The following COL6A3 variants were observed in gnomAD, a reference collection of about 807,000 sequenced individuals.
The protein encoded by COL6A3 is collagen type VI alpha 3 chain, also known as collagen alpha-3(VI) chain.
A neutral mutation model predicts 274.1 loss-of-function variants in COL6A3; 137 were observed. The ratio of observed to expected loss-of-function variants is 0.50; its 90% CI spans 0.44 to 0.58. The LOEUF (loss-of-function observed/expected upper bound fraction) is 0.58, where lower values mean the gene tolerates loss of function less well. Among genes scored for constraint, COL6A3 ranks in the 20% least tolerant of loss-of-function variants. The pLI, the probability that COL6A3 is intolerant of heterozygous loss-of-function variation, is 0.00. For missense variants in COL6A3, 3,950 were observed against 4,124.9 expected (o/e 0.96, Z 1.16); for synonymous variants, 1,650 against 1,650.6 (o/e 1.00, Z 0.01).
chr2:237,389,832 T>A (rs2078243259), intron 3 of COL6A3, among the ~76,000 whole-genome samples: 1 of 152,238 alleles, frequency 6.6e-6, no homozygotes, highest in South Asian at 2.1e-4. Flanking sequence ...CTACAGTAAT[T>A]AAGATCTTGT....
chr2:237,346,131 T>G (rs1047869802), intron 32 of COL6A3, among the ~76,000 whole-genome samples: 1 of 152,168 alleles, frequency 6.6e-6, no homozygotes, highest in Non-Finnish European at 1.5e-5. Flanking sequence ...ACAGGAAGCA[T>G]TGTCAAACCA....
At chr2:237,391,504 CTGTTTGTTTGTT>C (rs200150873) in intron 3 of COL6A3, among the ~76,000 whole-genome samples, 2,767 of 150,144 alleles carry the variant, frequency 0.018, 38 homozygotes, top group African/African-American at 0.039. Flanking sequence ...GTCCCTTTCA[CTGTTTGTTTGTT>C]TGTTTGTTTG....
At chr2:237,332,180 T>C (rs12692201) in intron 42 of COL6A3, among the ~76,000 whole-genome samples, 93,261 of 137,434 alleles carry the variant, frequency 0.68, 32,298 homozygotes, top group African/African-American at 0.78. Context: ...TTTATATGAA[T>C]TAGGCACTGT....
rs201106875 is a variant in COL6A3, at chr2:237,387,720, T to C, written c.1174A>G (p.Ile392Val). The change falls in exon 4 of 44, where the codon ATA becomes GTA. Residue 392 changes from isoleucine to valine, a missense_variant. Coordinates refer to ENST00000295550, the MANE Select transcript of COL6A3 (RefSeq NM_004369.4). Reference sequence around the variant, plus strand: ...AACACCAAGTTGTCATCGGTAGCTATGTGCTGAAGCTCTGCCCTGGAGGCG... The same window carrying C: ...AACACCAAGTTGTCATCGGTAGCTACGTGCTGAAGCTCTGCCCTGGAGGCG... ...QAASRAELQH[I>V]ATDDNLVFTV... 6.2e-7 allele frequency: 1 copy of C among 1,614,092 alleles called. No individual in the cohort carries two copies. The highest frequency in any genetic ancestry group is 8.5e-7 in the Non-Finnish European group (1 of 1,179,970).
chr2:237,349,487 T>C (rs922544628), intron 28 of COL6A3, among the ~76,000 whole-genome samples: 7 of 152,260 alleles, frequency 4.6e-5, no homozygotes, highest in South Asian at 2.1e-4. Context: ...AAGACAAAAA[T>C]GAAAGACAGA....
rs1001689383 is a variant in COL6A3 at position 237,361,768 on chromosome 2, G to A, written c.6127C>T (p.Arg2043Cys). The change falls in exon 15 of 44, where the codon CGC becomes TGC. Residue 2043 changes from arginine to cysteine, a missense_variant. Arg to Cys is a radical substitution (Grantham distance 180). Coordinates refer to ENST00000295550, the MANE Select transcript of COL6A3 (RefSeq NM_004369.4). The surrounding 1 kb of genome is among the most constrained non-coding windows in gnomAD (Gnocchi z 5.1). ...GGCCCGATGCTGCCGATGGGCCCGC[G>A]GTCTCCCCTCTGCCCAGAGCACTTG... Reference protein sequence around the residue: ...PCKCSGQRGDRGPIGSIGPKG... With the variant: ...PCKCSGQRGDCGPIGSIGPKG... 13 of 1,613,994 alleles carry A rather than the reference G, an allele frequency of 8.1e-6. No individual in the cohort carries two copies. The highest frequency in any genetic ancestry group is 2.2e-5 in the East Asian group (1 of 44,886).
intron 39 of COL6A3, among the ~76,000 whole-genome samples, chr2:237,337,334 G>A (rs538058902): frequency 1.3e-5 from 2 of 152,242 alleles, no homozygotes; most frequent in Admixed American, 6.5e-5. Context: ...GAAAAAATAC[G>A]AATCATTAGA....
intron 42 of COL6A3, chr2:237,329,076 T>G (rs12998915): frequency 0.39 from 59,714 of 152,124 alleles, 12,123 homozygotes; most frequent in Middle Eastern, 0.49. Context: ...CTTATTTAGA[T>G]ACTGAGTCTC....
At chr2:237,341,250 T>G in intron 37 of COL6A3, 100 bp from the exon 38 acceptor site, 1 of 1,248,444 alleles carries the variant, frequency 8.0e-7, no homozygotes, top group South Asian at 1.2e-5. Context: ...AATGATCACA[T>G]AAGATCAAAA....
chr2:237,405,041 T>C (rs1054136289), intron 1 of COL6A3, among the ~76,000 whole-genome samples: 1 of 151,920 alleles, frequency 6.6e-6, no homozygotes, highest in Non-Finnish European at 1.5e-5. Context: ...CCAGAATATA[T>C]CCAGATATTG....
chr2:237,392,862 C>T (rs2078326975), intron 3 of COL6A3, among the ~76,000 whole-genome samples: 1 of 152,212 alleles, frequency 6.6e-6, no homozygotes, highest in Non-Finnish European at 1.5e-5. Flanking sequence ...ATAGTTCCTA[C>T]ACATCTGAGG....
At chr2:237,396,338 G>GA (rs1251319874) in intron 2 of COL6A3, among the ~76,000 whole-genome samples, 1 of 152,104 alleles carries the variant, frequency 6.6e-6, no homozygotes, top group Non-Finnish European at 1.5e-5. Flanking sequence ...ATTTTTCAGG[G>GA]AAAATAGTTT....
chr2:237,354,767 T>C, intron 24 of COL6A3, 132 bp downstream of exon 24: 2 of 781,420 alleles, frequency 2.6e-6, no homozygotes, highest in East Asian at 2.7e-5. Flanking sequence ...CTTGGCGAAA[T>C]CAACTTTCTA....
At chr2:237,340,359 A>C in intron 38 of COL6A3, 93 bp downstream of exon 38, 1 of 1,183,654 alleles carries the variant, frequency 8.4e-7, no homozygotes, top group Non-Finnish European at 1.2e-6. Context: ...TCCTGTCAAC[A>C]CATCGGTTGT....
chr2:237,394,489 C>T (rs2106387507), intron 3 of COL6A3, 98 bp downstream of exon 3: 1 of 1,514,134 alleles, frequency 6.6e-7, no homozygotes, highest in Middle Eastern at 2.3e-4. Context: ...CTTCCCTGGC[C>T]CACCCGCCAT....
At chr2:237,332,278 C>A (rs1232990145) in intron 42 of COL6A3, among the ~76,000 whole-genome samples, 1 of 151,302 alleles carries the variant, frequency 6.6e-6, no homozygotes, top group Non-Finnish European at 1.5e-5. Context: ...TTATTGATCT[C>A]TGATCTCTAG....
Position 237,378,827 on chromosome 2 carries a change from G to A in COL6A3, c.2306C>T (p.Ala769Val), listed in dbSNP as rs753966526. 3.0e-5 allele frequency: 49 copies of A among 1,614,096 alleles called. No individual in the cohort carries two copies. Among genetic ancestry groups the A allele is most frequent in the African/African-American group, 6.7e-5 (5 of 74,938 alleles). ...YLQAANALTRAGILTFCVGAS... is the reference protein window; with the variant it reads ...YLQAANALTRVGILTFCVGAS... ...TCCCACACAAAAAGTCAGGATGCCC[G>A]CGCGTGTCAAGGCGTTGGCAGCTTG... The change falls in exon 6 of 44, where the codon GCG becomes GTG. Residue 769 changes from alanine to valine, a missense_variant. Ala to Val is a moderately conservative substitution (Grantham distance 64). Coordinates refer to ENST00000295550, the MANE Select transcript of COL6A3 (RefSeq NM_004369.4).
chr2:237,359,473 A>G (rs2077388842), intron 17 of COL6A3, 85 bp from the exon 18 acceptor site: 5 of 1,358,102 alleles, frequency 3.7e-6, no homozygotes, highest in Non-Finnish European at 5.3e-6. Context: ...CTGTTCCCCC[A>G]CTCCACCCCA....
In COL6A3 at chr2:237,344,429, A is replaced by G. The variant is rs540777771; in HGVS notation, c.7589T>C (p.Val2530Ala). The change falls in exon 36 of 44, where the codon GTG becomes GCG. Residue 2530 changes from valine (V) to alanine (A), a missense_variant. Val to Ala is a moderately conservative substitution (Grantham distance 64). This residue lies in a region of COL6A3 where 1,284 missense variants were observed against 1,349.7 expected (regional missense o/e 0.95). Transcript: ENST00000295550. The surrounding 1 kb of genome is among the most constrained non-coding windows in gnomAD (Gnocchi z 4.8). ...GATCCCCGCATCTGAGAGCTTGAGC[A>G]CAGCCTCTCTGAGCTGTGGGGATGC... is the stretch of plus-strand genomic sequence containing the variant. ...TRASPQLREAVLKLSDAGITP... is the reference protein window; with the variant it reads ...TRASPQLREAALKLSDAGITP... 3 of 1,614,208 alleles carry G rather than the reference A, an allele frequency of 1.9e-6. No individual in the cohort carries two copies. The East Asian group carries it at 6.7e-5, about 36-fold the overall frequency.
Sources: allele counts gnomAD v4.1 joint callset (sites outside exome capture counted in the v4.1 genomes callset), GRCh38; gene constraint gnomAD v4.1.1; regional missense constraint gnomAD v4.1.1; non-coding constraint Gnocchi (gnomAD v3.1); transcripts MANE v1.5; gene names NCBI Gene and HGNC (gene_info 2026-07-23, HGNC 2026-07-21).